Variants in CD48 observed in about 807,000 individuals in gnomAD.
CD48 encodes CD48 antigen.
CD48 carries 20 observed loss-of-function variants against 22.0 expected under a neutral mutation model. The ratio of observed to expected loss-of-function variants is 0.91; its 90% CI spans 0.64 to 1.32. CD48 has a LOEUF of 1.32. Among genes scored for constraint, CD48 ranks in the 40% most tolerant of loss-of-function variants. The probability of loss-of-function intolerance (pLI) is 0.00; values close to 1 mark genes in which losing one functional copy is unlikely to be tolerated. For synonymous variants in CD48, 110 were observed against 110.1 expected (o/e 1.00, Z 0.01); for missense variants, 307 against 286.5 (o/e 1.07, Z -0.52).
chr1:160,679,124 G>A lies in CD48; in HGVS notation c.660C>T (p.Ser220=), dbSNP rs1449843799. 1 of 1,614,050 alleles carries A rather than the reference G, an allele frequency of 6.2e-7. No homozygotes were observed. The highest frequency in any genetic ancestry group is 1.3e-5 in the African/African-American group (1 of 75,032). ...AACTTGCAATCCATTCTACTCCAAA[G>A]GACCGGGCTGAAAGAGCAAGAAAAC... ...CLSPPCTLAR[S]FGVEWIASWL... The change falls in exon 4 of 4, where the codon TCC becomes TCT. Residue 220 remains serine, a synonymous_variant. Coordinates refer to ENST00000368046, the MANE Select transcript of CD48 (RefSeq NM_001778.4).
intron 1 of CD48, among the ~76,000 whole-genome samples, chr1:160,687,893 G>A (rs1292227575): frequency 6.6e-6 from 1 of 152,174 alleles, no homozygotes; most frequent in Non-Finnish European, 1.5e-5. Context: ...TCAAAAATTT[G>A]TTTCTTTAAT....
At chr1:160,695,360 C>A (rs879668059) in intron 1 of CD48, among the ~76,000 whole-genome samples, 3 of 152,248 alleles carry the variant, frequency 2.0e-5, no homozygotes, top group Non-Finnish European at 2.9e-5. Context: ...GACTGTTATA[C>A]ATTTCTGCAA....
chr1:160,684,630 T>C (rs760650538), intron 2 of CD48: 75 of 1,169,622 alleles, frequency 6.4e-5, no homozygotes, highest in Non-Finnish European at 8.6e-5. Flanking sequence ...AGGAAAAATC[T>C]CTAGTTTTCC....
chr1:160,695,017 G>A (rs1296720743), intron 1 of CD48, among the ~76,000 whole-genome samples: 3 of 152,126 alleles, frequency 2.0e-5, no homozygotes, highest in Non-Finnish European at 2.9e-5. Flanking sequence ...TCAACCCATG[G>A]GGCCTCTCCA....
At position 160,711,705 on chromosome 1, in the gene CD48, G is replaced by T. The variant is rs1662954907; in HGVS notation, c.59C>A (p.Ser20Ter). 1 of 1,613,398 alleles carries T rather than the reference G, an allele frequency of 6.2e-7. No homozygotes were observed. The part of the protein sequence containing the change: ...LALELLLLPL[S>*]LLVTSIQGHL... ...ACCTTGAATGCTGGTCACCAGGAGTGACAGAGGCAGCAGTAGCAATTCCAG... is the reference window on the plus strand; with the variant it reads ...ACCTTGAATGCTGGTCACCAGGAGTTACAGAGGCAGCAGTAGCAATTCCAG... Residue 20 changes from serine (S) to a stop codon, truncating the protein, a stop_gained, in exon 1 of 4, where the codon TCA becomes TAA. Coordinates refer to ENST00000368046, the MANE Select transcript of CD48 (RefSeq NM_001778.4). LOFTEE classifies it high-confidence loss of function.
In CD48 at chr1:160,684,887, C is replaced by A; in HGVS notation, c.385G>T (p.Asp129Tyr). The change falls in exon 2 of 4, where the codon GAC (aspartate) becomes TAC (tyrosine). Residue 129 changes from aspartate to tyrosine, a missense_variant and splice_region_variant. Asp to Tyr is a radical substitution (Grantham distance 160). Transcript: ENST00000368046. ...TTGCTCTTTGGCTCCCCTGACTCAC[C>A]AAGCACTTGCAGCTTGATCTTCCAT... ...QEWKIKLQVL[D>Y]PVPKPVIKIE... 1 of 1,614,146 alleles carries A rather than the reference C, an allele frequency of 6.2e-7. No individual in the cohort carries two copies. Among genetic ancestry groups the A allele is most frequent in the South Asian group, 1.1e-5 (1 of 91,074 alleles).
At chr1:160,682,457 CAAAAA>C (rs71579678) in intron 2 of CD48, among the ~76,000 whole-genome samples, 1 of 53,280 alleles carries the variant, frequency 1.9e-5, no homozygotes. Context: ...AGAAGACCTT[CAAAAA>C]AAAAAAAAAA....
intron 1 of CD48, among the ~76,000 whole-genome samples, chr1:160,689,210 G>C (rs1662103801): frequency 1.3e-5 from 2 of 152,062 alleles, no homozygotes; most frequent in Non-Finnish European, 2.9e-5. Context: ...GCACAGAGGG[G>C]GGTATTTATA....
In CD48 at chr1:160,679,048, C is replaced by T. The variant is rs758274108; in HGVS notation, c.*4G>A. 6 of 1,611,284 alleles carry T rather than the reference C, an allele frequency of 3.7e-6. No homozygotes were observed. The highest frequency in any genetic ancestry group is 4.2e-6 in the Non-Finnish European group (5 of 1,177,394). On this transcript the variant is annotated 3_prime_UTR_variant, in exon 4 of 4. Coordinates refer to ENST00000368046, the MANE Select transcript of CD48 (RefSeq NM_001778.4). ...AAGTTTCGCTTGAGTTAAAAGAGCT[C>T]ATCTCAGGTAAGTAACAGGCCAAGA...
rs963774152 is a variant in CD48, at chr1:160,681,494, A to G, written c.386-26T>C. The G allele has an allele frequency of 1.9e-6, 3 of 1,608,032 alleles. No individual in the cohort carries two copies. The African/African-American group carries it at 4.0e-5, about 22-fold the overall frequency. ...CTGAAAGTGAGGAGGATGTTATAAG[A>G]TGAGACAGTGAGGCATTCATGCTGT... On this transcript the variant is annotated intron_variant, in intron 2 of 3. Transcript: ENST00000368046.
At chr1:160,699,512 C>T (rs142730485) in intron 1 of CD48, 2,375 of 152,386 alleles carry the variant, frequency 0.016, 32 homozygotes, top group South Asian at 0.046. Context: ...GAAAGCATGC[C>T]TCTTGCAGTT....
Position 160,684,966 on chromosome 1 carries a change from C to G in CD48, c.306G>C (p.Glu102Asp). 1 of 1,614,152 alleles carries G rather than the reference C, an allele frequency of 6.2e-7. No homozygotes were observed. The highest frequency in any genetic ancestry group is 8.5e-7 in the Non-Finnish European group (1 of 1,180,016). Residue 102 changes from glutamate (E) to aspartate (D), a missense_variant, in exon 2 of 4, where the codon GAG becomes GAC. Glu to Asp is a conservative substitution (Grantham distance 45, BLOSUM62 2). Coordinates refer to ENST00000368046, the MANE Select transcript of CD48 (RefSeq NM_001778.4). ...GALYISKVQK[E>D]DNSTYIMRVL... Reference sequence around the variant, plus strand: ...CCCTCATGATGTAGGTGCTGTTGTCCTCTTTCTGGACCTTAGAGATGTACA... The same window carrying G: ...CCCTCATGATGTAGGTGCTGTTGTCGTCTTTCTGGACCTTAGAGATGTACA...
At chr1:160,697,346 T>A (rs1253914143) in intron 1 of CD48, among the ~76,000 whole-genome samples, 1 of 152,312 alleles carries the variant, frequency 6.6e-6, no homozygotes, top group African/African-American at 2.4e-5. Flanking sequence ...ACCAGTCACA[T>A]GGATGGATAA....
intron 1 of CD48, among the ~76,000 whole-genome samples, chr1:160,696,957 G>T (rs1358495984): frequency 6.6e-6 from 1 of 150,788 alleles, no homozygotes; most frequent in Non-Finnish European, 1.5e-5. Flanking sequence ...ATAGTTGAAA[G>T]AACTAATAGA....
intron 1 of CD48, among the ~76,000 whole-genome samples, chr1:160,704,004 T>C (rs1246111428): frequency 2.0e-5 from 3 of 152,088 alleles, no homozygotes; most frequent in Admixed American, 1.3e-4. Flanking sequence ...TTATTAATAA[T>C]GTCTTGTCCT....
intron 1 of CD48, among the ~76,000 whole-genome samples, chr1:160,711,419 A>G (rs1253753472): frequency 6.6e-6 from 1 of 152,118 alleles, no homozygotes; most frequent in Admixed American, 6.5e-5. Flanking sequence ...ACCACCAACC[A>G]CGGGACAAAA....
chr1:160,683,886 C>A (rs1346448313), intron 2 of CD48: 1 of 152,154 alleles, frequency 6.6e-6, no homozygotes, highest in East Asian at 1.9e-4. Flanking sequence ...GAATTGCATA[C>A]CCCAACCCCT....
rs756875746 is a variant in CD48, at chr1:160,711,756, G to C, written c.8C>G (p.Ser3Cys). 2.2e-5 allele frequency: 35 copies of C among 1,612,888 alleles called. No homozygotes were observed. Among genetic ancestry groups the C allele is most frequent in the Non-Finnish European group, 3.0e-5 (35 of 1,179,230 alleles). The change falls in exon 1 of 4, where the codon TCC (serine) becomes TGC (cysteine). Residue 3 changes from serine to cysteine, a missense_variant. Coordinates refer to ENST00000368046, the MANE Select transcript of CD48 (RefSeq NM_001778.4). MC[S>C]RGWDSCLALE... The stretch of plus-strand genomic sequence containing the variant: ...AGCCAGACACGAATCCCAACCTCTG[G>C]AGCACATGCTTCCTTCCAGAACTTC...
Position 160,679,043 on chromosome 1 carries a change from G to C in CD48, c.*9C>G. The C allele has an allele frequency of 6.2e-7, 1 of 1,609,986 alleles. No homozygotes were observed. The highest frequency in any genetic ancestry group is 8.5e-7 in the Non-Finnish European group (1 of 1,176,186). ...CCTTGAAGTTTCGCTTGAGTTAAAA[G>C]AGCTCATCTCAGGTAAGTAACAGGC... On this transcript the variant is annotated 3_prime_UTR_variant, in exon 4 of 4. Transcript: ENST00000368046.
Sources: gnomAD v4.1 joint callset for allele counts (sites outside exome capture counted in the v4.1 genomes callset) on GRCh38, gnomAD v4.1.1 for gene constraint, MANE v1.5 for transcripts, NCBI Gene and HGNC (gene_info 2026-07-23, HGNC 2026-07-21) for gene names.